PXK: variants seen among roughly 807,000 people sequenced by gnomAD.
The protein encoded by PXK is PX domain containing serine/threonine kinase like.
A neutral mutation model predicts 84.7 loss-of-function variants in PXK; 35 were observed. The observed-to-expected ratio is 0.41, with a 90% confidence interval of 0.32 to 0.55. The LOEUF (loss-of-function observed/expected upper bound fraction) is 0.55. Ranked by LOEUF, PXK falls within the 20% of genes least tolerant of loss-of-function variation. PXK has a pLI of 0.21. For missense variants in PXK, 634 were observed against 699.7 expected (o/e 0.91, Z 1.06); for synonymous variants, 253 against 260.8 (o/e 0.97, Z 0.29).
chr3:58,366,623 C>T (rs114329218), intron 2 of PXK, among the ~76,000 whole-genome samples: 2,631 of 152,274 alleles, frequency 0.017, 72 homozygotes, highest in African/African-American at 0.06. Flanking sequence ...CAAACTTTAA[C>T]CTTCTACCTT....
intron 1 of PXK, among the ~76,000 whole-genome samples, chr3:58,336,069 ATATTTTTTTT>A (rs1330043596): frequency 2.5e-4 from 14 of 56,632 alleles, no homozygotes; most frequent in African/African-American, 1.4e-3. Context: ...ATATATATAT[ATATTTTTTTT>A]TTTTTTTTTT....
intron 4 of PXK, among the ~76,000 whole-genome samples, chr3:58,384,909 T>C (rs1401732075): frequency 6.6e-6 from 1 of 152,194 alleles, no homozygotes; most frequent in African/African-American, 2.4e-5. Flanking sequence ...AGATGTATCA[T>C]GTCTAACCCT....
At chr3:58,351,498 C>T (rs568983142) in intron 1 of PXK, among the ~76,000 whole-genome samples, 7 of 151,816 alleles carry the variant, frequency 4.6e-5, no homozygotes, top group Non-Finnish European at 8.8e-5. Context: ...TGGGCTCATG[C>T]AATCCACCTG....
rs1387282885 is a variant in PXK, at chr3:58,421,943, AGATAAGGG to A, written c.1529-2808_1529-2801del. 1 of 985,236 alleles carries A rather than the reference AGATAAGGG, an allele frequency of 1.0e-6. No individual in the cohort carries two copies. Among genetic ancestry groups the A allele is most frequent in the Non-Finnish European group, 1.2e-6 (1 of 829,932 alleles). The allele number at this position is 985,236 out of a possible 1,614,324, so 61.0% of individuals were successfully genotyped here. A position where few individuals can be genotyped will look rare whatever the true frequency, so the allele number is the denominator to read the frequency against. ...CGGTCTGCTCTCATATGTGGCCTGGAGATAAGGGTATTGGAGGTCTCTTGGCAGGAAGG... is the reference window on the plus strand; with the variant it reads ...CGGTCTGCTCTCATATGTGGCCTGGATATTGGAGGTCTCTTGGCAGGAAGG... On this transcript the variant is annotated intron_variant, in intron 17 of 17. Coordinates refer to ENST00000356151, the MANE Select transcript of PXK (RefSeq NM_017771.5). This position sits in a 1 kb window ranked among gnomAD's most constrained non-coding sequence, Gnocchi z 5.5.
rs954183430 is a variant in PXK, at chr3:58,411,510, C to T, written c.1465+1351C>T. Among the ~76,000 whole-genome samples, 8 of 152,034 alleles carry T rather than the reference C, an allele frequency of 5.3e-5. No individual in the cohort carries two copies. The highest frequency in any genetic ancestry group is 2.1e-4 in the South Asian group (1 of 4,820). ...CATGGTTGATGGGAGGGACATGGAC[C>T]GGTCATGGTCATTATTATACTGAGA... On this transcript the variant is annotated intron_variant, in intron 16 of 17. Transcript: ENST00000356151. The surrounding 1 kb of genome is among the most constrained non-coding windows in gnomAD (Gnocchi z 4.2).
intron 1 of PXK, among the ~76,000 whole-genome samples, chr3:58,353,157 C>T (rs965341454): frequency 3.9e-5 from 6 of 151,946 alleles, no homozygotes; most frequent in Admixed American, 1.3e-4. Flanking sequence ...CCACCACGCC[C>T]GGCTAATTTT....
At chr3:58,415,545 C>T (rs765087266) in intron 17 of PXK, among the ~76,000 whole-genome samples, 1 of 152,262 alleles carries the variant, frequency 6.6e-6, no homozygotes, top group Non-Finnish European at 1.5e-5. Flanking sequence ...GCATGTTCAG[C>T]TATCAGGAAG....
rs2098623292 is a variant in PXK at position 58,390,881 on chromosome 3, A to C, written c.466+222A>C. 6.6e-6 allele frequency among the ~76,000 whole-genome samples: 1 copy of C among 152,340 alleles called. No individual in the cohort carries two copies. The highest frequency in any genetic ancestry group is 1.9e-4 in the East Asian group (1 of 5,184). Reference sequence around the variant, plus strand: ...TTGGATGGTAATAACTTTCAGAAACACCATTCCTTCTTCATCTATCTTTTT... The same window carrying C: ...TTGGATGGTAATAACTTTCAGAAACCCCATTCCTTCTTCATCTATCTTTTT... On this transcript the variant is annotated intron_variant, in intron 5 of 17. Coordinates refer to ENST00000356151, the MANE Select transcript of PXK (RefSeq NM_017771.5). The surrounding 1 kb of genome is among the most constrained non-coding windows in gnomAD (Gnocchi z 4.2).
chr3:58,410,336 A>G (rs928408972), intron 16 of PXK, among the ~76,000 whole-genome samples, 177 bp downstream of exon 16: 1 of 152,240 alleles, frequency 6.6e-6, no homozygotes, highest in Non-Finnish European at 1.5e-5. Flanking sequence ...GTAGGCTTAC[A>G]GCACTCAAAT....
At chr3:58,366,639 G>T (rs2108451257) in intron 2 of PXK, among the ~76,000 whole-genome samples, 1 of 152,192 alleles carries the variant, frequency 6.6e-6, no homozygotes, top group Non-Finnish European at 1.5e-5. Context: ...ACCTTAAGCA[G>T]CCTCTTACAC....
At chr3:58,355,199 A>G (rs2098046539) in intron 1 of PXK, among the ~76,000 whole-genome samples, 1 of 152,104 alleles carries the variant, frequency 6.6e-6, no homozygotes, top group Non-Finnish European at 1.5e-5. Flanking sequence ...AAATTAAATC[A>G]GAATCTGTGA....
Position 58,404,345 on chromosome 3 carries a change from G to A in PXK, c.1230+435G>A, listed in dbSNP as rs113999252. On this transcript the variant is annotated intron_variant, in intron 13 of 17. Transcript: ENST00000356151. The stretch of plus-strand genomic sequence containing the variant: ...ATCTACAGCAGGGTTTTTCAACCAC[G>A]GTATTTGACGTTTTGGGTGAGATGA... Among the ~76,000 whole-genome samples the A allele has an allele frequency of 3.0e-3, 462 of 152,166 alleles. 2 individuals are homozygous for A. Among genetic ancestry groups the A allele is most frequent in the African/African-American group, 0.011 (440 of 41,516 alleles).
At chr3:58,339,772 A>C (rs2097694698) in intron 1 of PXK, among the ~76,000 whole-genome samples, 1 of 151,942 alleles carries the variant, frequency 6.6e-6, no homozygotes, top group Non-Finnish European at 1.5e-5. Context: ...ATGGGTACTT[A>C]GCTTCCATAT....
rs886102818 is a variant in PXK, at chr3:58,383,297, GATAATA to G, written c.388+609_388+614del. Among the ~76,000 whole-genome samples, 2 of 151,820 alleles carry G rather than the reference GATAATA, an allele frequency of 1.3e-5. No homozygotes were observed. The highest frequency in any genetic ancestry group is 6.6e-5 in the Admixed American group (1 of 15,226). ...ACAGAGCAAGACTCTGTCTTAAAAA[GATAATA>G]ATAATAATAATTAATCCACAATAAC... is the stretch of plus-strand genomic sequence containing the variant. On this transcript the variant is annotated intron_variant, in intron 4 of 17. Coordinates refer to ENST00000356151, the MANE Select transcript of PXK (RefSeq NM_017771.5). The surrounding 1 kb of genome is among the most constrained non-coding windows in gnomAD (Gnocchi z 4.0).
chr3:58,361,086 C>A (rs1214186474), intron 1 of PXK, among the ~76,000 whole-genome samples: 1 of 151,772 alleles, frequency 6.6e-6, no homozygotes, highest in Non-Finnish European at 1.5e-5. Flanking sequence ...CACCTGAGGT[C>A]AGGAGTTAGA....
rs1328300599 is a variant in PXK, at chr3:58,401,240, G to A, written c.1181+1863G>A. Reference sequence around the variant, plus strand: ...GGAAGTAAAGAGATGTGTGGCTGAGGGACAGGCGGGGCCCTGAAGAGCCCT... The same window carrying A: ...GGAAGTAAAGAGATGTGTGGCTGAGAGACAGGCGGGGCCCTGAAGAGCCCT... On this transcript the variant is annotated intron_variant, in intron 12 of 17. Transcript: ENST00000356151. This position sits in a 1 kb window ranked among gnomAD's most constrained non-coding sequence, Gnocchi z 4.4. Among the ~76,000 whole-genome samples, 2 of 152,168 alleles carry A rather than the reference G, an allele frequency of 1.3e-5. No individual in the cohort carries two copies. The highest frequency in any genetic ancestry group is 2.9e-5 in the Non-Finnish European group (2 of 68,038).
intron 1 of PXK, among the ~76,000 whole-genome samples, chr3:58,357,107 C>T (rs1355682608): frequency 5.3e-5 from 8 of 151,346 alleles, no homozygotes; most frequent in Non-Finnish European, 7.4e-5. Context: ...GGTGAAACCC[C>T]GTCTCTACTA....
chr3:58,336,608 G>A (rs930197703), intron 1 of PXK, among the ~76,000 whole-genome samples: 2 of 152,098 alleles, frequency 1.3e-5, no homozygotes, highest in South Asian at 4.1e-4. Flanking sequence ...AAATTTAGGA[G>A]GACCAAGAGA....
At chr3:58,406,126 C>T (rs2059368746) in intron 13 of PXK, among the ~76,000 whole-genome samples, 1 of 152,056 alleles carries the variant, frequency 6.6e-6, no homozygotes, top group African/African-American at 2.4e-5. Context: ...GCCACCACGC[C>T]TGGCTAATTT....
Sources: allele counts gnomAD v4.1 joint callset (sites outside exome capture counted in the v4.1 genomes callset), GRCh38; gene constraint gnomAD v4.1.1; non-coding constraint Gnocchi (gnomAD v3.1); transcripts MANE v1.5; gene names NCBI Gene and HGNC (gene_info 2026-07-23, HGNC 2026-07-21).